Variants in CRIM1 observed in about 807,000 individuals in gnomAD.
The protein encoded by CRIM1 is cysteine rich transmembrane BMP regulator 1, also known as cysteine-rich motor neuron 1 protein.
A neutral mutation model predicts 116.4 loss-of-function variants in CRIM1; 32 were observed. That is an observed-to-expected ratio of 0.27 (90% CI 0.21 to 0.37). The LOEUF is 0.37. Ranked by LOEUF, CRIM1 falls within the 10% of genes least tolerant of loss-of-function variation. The pLI, the probability that CRIM1 is intolerant of heterozygous loss-of-function variation, is 1.00. For synonymous variants in CRIM1, 590 were observed against 509.2 expected (o/e 1.16, Z -2.13); for missense variants, 1,331 against 1,354.8 (o/e 0.98, Z 0.28).
At chr2:36,399,717 A>G (rs190261076) in intron 2 of CRIM1, among the ~76,000 whole-genome samples, 49 of 152,380 alleles carry the variant, frequency 3.2e-4, no homozygotes, top group African/African-American at 1.1e-3. Context: ...GGAAAAGCCA[A>G]TAATGTAAGA....
chr2:36,475,951 G>A (rs1007062463), intron 5 of CRIM1, among the ~76,000 whole-genome samples: 5 of 151,722 alleles, frequency 3.3e-5, no homozygotes, highest in Admixed American at 1.3e-4. Flanking sequence ...GTATAATTTT[G>A]TTTATATGTT....
rs537151207 is a variant in CRIM1, at chr2:36,539,422, G to A, written c.2623+1876G>A. ...AGAGGTGGGGCAGAGAGGCAGCCACGGCCAGACACAAAGGGTCTCGCAGAT... is the reference window on the plus strand; with the variant it reads ...AGAGGTGGGGCAGAGAGGCAGCCACAGCCAGACACAAAGGGTCTCGCAGAT... On this transcript the variant is annotated intron_variant, in intron 14 of 16. Coordinates refer to ENST00000280527, the MANE Select transcript of CRIM1 (RefSeq NM_016441.3). Among the ~76,000 whole-genome samples the A allele has an allele frequency of 8.5e-5, 13 of 152,264 alleles. No individual in the cohort carries two copies. The South Asian group carries it at 1.0e-3, about 12-fold the overall frequency.
intron 13 of CRIM1, among the ~76,000 whole-genome samples, chr2:36,523,408 G>A (rs1269173992): frequency 3.3e-5 from 5 of 152,152 alleles, no homozygotes; most frequent in Admixed American, 6.5e-5. Context: ...ATCTTTGTGA[G>A]CAGAGGATCT....
chr2:36,457,656 C>T (rs540604729), intron 4 of CRIM1, among the ~76,000 whole-genome samples: 2 of 151,990 alleles, frequency 1.3e-5, no homozygotes, highest in East Asian at 1.9e-4. Context: ...AAACTGTGAG[C>T]CTAAGGAACT....
At position 36,512,297 on chromosome 2, in the gene CRIM1, C is replaced by T; in HGVS notation, c.1683C>T (p.Ile561=). ...GGAAGAATAAGCACGGCTGTGACAT[C>T]TGTCGCTGTAAGAAATGTCCAGAGC... The part of the protein sequence containing the change: ...GLLKNKHGCD[I]CRCKKCPELS... Residue 561 remains isoleucine (I), a synonymous_variant, in exon 10 of 17, where the codon ATC becomes ATT. Coordinates refer to ENST00000280527, the MANE Select transcript of CRIM1 (RefSeq NM_016441.3). 3 of 1,613,640 alleles carry T rather than the reference C, an allele frequency of 1.9e-6. No individual in the cohort carries two copies. Among genetic ancestry groups the T allele is most frequent in the South Asian group, 1.1e-5 (1 of 91,064 alleles).
chr2:36,489,959 C>T (rs1680108362), intron 7 of CRIM1, among the ~76,000 whole-genome samples: 1 of 152,158 alleles, frequency 6.6e-6, no homozygotes, highest in African/African-American at 2.4e-5. Flanking sequence ...ATGTGAAAGG[C>T]GTCACTGGCT....
rs982580672 is a variant in CRIM1 at position 36,464,757 on chromosome 2, A to G, written c.991+102A>G. 4.9e-6 allele frequency: 7 copies of G among 1,414,716 alleles called. No homozygotes were observed. The Admixed American group carries it at 1.1e-4, about 21-fold the overall frequency. 87.6% of individuals were successfully genotyped at this position (1,414,716 alleles called of 1,614,324 possible). A position where few individuals can be genotyped will look rare whatever the true frequency, so the allele number is the denominator to read the frequency against. The stretch of plus-strand genomic sequence containing the variant: ...TTCTGCCTTTTACAAAGCAGGGATT[A>G]CCTTCAGGGGCTTGCTGAAGGGCAC... On this transcript the variant is annotated intron_variant, in intron 5 of 16. Coordinates refer to ENST00000280527, the MANE Select transcript of CRIM1 (RefSeq NM_016441.3).
In CRIM1 at chr2:36,512,518, C is replaced by A. The variant is rs982451909; in HGVS notation, c.1780+124C>A. 24 of 1,027,516 alleles carry A rather than the reference C, an allele frequency of 2.3e-5. No homozygotes were observed. In the African/African-American group the frequency reaches 3.3e-4, roughly 14 times the overall value. The allele number at this position is 1,027,516 out of a possible 1,614,324, so 63.6% of individuals were successfully genotyped here. On this transcript the variant is annotated intron_variant, in intron 10 of 16. Coordinates refer to ENST00000280527, the MANE Select transcript of CRIM1 (RefSeq NM_016441.3). ...TGCCTATTCTAACACAAATGTCAGT[C>A]TCTGTGGGACCGTCCCACAGGACTC...
intron 2 of CRIM1, among the ~76,000 whole-genome samples, chr2:36,412,332 A>G (rs1673277007): frequency 1.3e-5 from 2 of 152,192 alleles, no homozygotes; most frequent in South Asian, 2.1e-4. Flanking sequence ...AAAGATCGAC[A>G]TAGAATGGAA....
chr2:36,534,371 GGGGA>G (rs1189173807), intron 13 of CRIM1, among the ~76,000 whole-genome samples: 1 of 121,188 alleles, frequency 8.3e-6, no homozygotes, highest in Non-Finnish European at 1.8e-5. Flanking sequence ...AGGGAGGGAA[GGGGA>G]AGGAAGGGAG....
At chr2:36,537,118 T>C (rs1666604463) in intron 13 of CRIM1, among the ~76,000 whole-genome samples, 1 of 151,876 alleles carries the variant, frequency 6.6e-6, no homozygotes, top group Admixed American at 6.6e-5. Context: ...ACAGGTACCA[T>C]TCCCTGCCGG....
chr2:36,404,994 C>T (rs1181253864), intron 2 of CRIM1, among the ~76,000 whole-genome samples: 1 of 152,034 alleles, frequency 6.6e-6, no homozygotes, highest in African/African-American at 2.4e-5. Context: ...ATTTTATTCT[C>T]GATTGTTACC....
intron 13 of CRIM1, among the ~76,000 whole-genome samples, chr2:36,535,935 C>G (rs760429262): frequency 5.3e-5 from 8 of 152,172 alleles, no homozygotes; most frequent in Non-Finnish European, 8.8e-5. Flanking sequence ...TATACAAATA[C>G]TACGCTGTTT....
intron 7 of CRIM1, among the ~76,000 whole-genome samples, chr2:36,484,526 C>A (rs1011002234): frequency 4.6e-5 from 7 of 152,086 alleles, no homozygotes; most frequent in Non-Finnish European, 1.0e-4. Flanking sequence ...AAGAAAAATT[C>A]AAGAGATGTG....
At chr2:36,366,563 T>C (rs745557300) in intron 1 of CRIM1, among the ~76,000 whole-genome samples, 3 of 151,526 alleles carry the variant, frequency 2.0e-5, no homozygotes, top group Non-Finnish European at 1.5e-5. Flanking sequence ...AGGGAGTAGA[T>C]GGTGGTCCAT....
chr2:36,440,400 G>A (rs771974828), intron 2 of CRIM1, among the ~76,000 whole-genome samples: 1 of 152,124 alleles, frequency 6.6e-6, no homozygotes, highest in Non-Finnish European at 1.5e-5. Context: ...GTCCTGGGCT[G>A]GGATGATGTC....
At chr2:36,378,005 G>C (rs1670448262) in intron 1 of CRIM1, among the ~76,000 whole-genome samples, 1 of 152,136 alleles carries the variant, frequency 6.6e-6, no homozygotes, top group Non-Finnish European at 1.5e-5. Flanking sequence ...AAGCCATCAG[G>C]TGATTTGTTT....
intron 1 of CRIM1, among the ~76,000 whole-genome samples, chr2:36,376,197 C>T (rs1485721516): frequency 6.6e-6 from 1 of 152,192 alleles, no homozygotes; most frequent in Non-Finnish European, 1.5e-5. Context: ...TATATAGTTC[C>T]TCTTTAATCA....
At chr2:36,447,868 T>C (rs2058694) in intron 4 of CRIM1, among the ~76,000 whole-genome samples, 8,571 of 152,272 alleles carry the variant, frequency 0.056, 626 homozygotes, top group African/African-American at 0.17. Context: ...TTCCAAAAAC[T>C]CATGCCCTTC....
Sources: allele counts gnomAD v4.1 joint callset (sites outside exome capture counted in the v4.1 genomes callset), GRCh38; gene constraint gnomAD v4.1.1; transcripts MANE v1.5; gene names NCBI Gene and HGNC (gene_info 2026-07-23, HGNC 2026-07-21).